The following DSTYK variants were observed in gnomAD, a reference collection of about 807,000 sequenced individuals.
DSTYK encodes dual serine/threonine and tyrosine protein kinase.
DSTYK carries 34 observed loss-of-function variants against 98.7 expected under a neutral mutation model. The observed-to-expected ratio is 0.34, with a 90% confidence interval of 0.26 to 0.46. The LOEUF is 0.46. Among genes scored for constraint, DSTYK ranks in the 20% least tolerant of loss-of-function variants. The pLI, the probability that DSTYK is intolerant of heterozygous loss-of-function variation, is 1.00. For missense variants in DSTYK, 962 were observed against 1,181.7 expected, an observed-to-expected ratio of 0.81 and a Z score of 2.73; for synonymous variants, 462 against 457.3, an observed-to-expected ratio of 1.01 and a Z score of -0.13.
chr1:205,148,147 T>A, intron 12 of DSTYK, 58 bp downstream of exon 12: 1 of 1,605,664 alleles, frequency 6.2e-7, no homozygotes, highest in Non-Finnish European at 8.5e-7. Flanking sequence ...TGACATTGCC[T>A]GGGCTCAGTC....
At chr1:205,206,652 G>A (rs1659212734) in intron 1 of DSTYK, among the ~76,000 whole-genome samples, 3 of 146,352 alleles carry the variant, frequency 2.0e-5, no homozygotes, top group East Asian at 4.0e-4. Context: ...GGGCAATCTC[G>A]ACTCACTGCA....
Position 205,201,067 on chromosome 1 carries a change from G to A in DSTYK, c.265+10204C>T, listed in dbSNP as rs112874821. On this transcript the variant is annotated intron_variant, in intron 1 of 12. Transcript: ENST00000367162. Reference sequence around the variant, plus strand: ...ATTACAGGCACGTGCCACCATACCCGGCTAGTTTTGTATTTTCAGTAGAGA... The same window carrying A: ...ATTACAGGCACGTGCCACCATACCCAGCTAGTTTTGTATTTTCAGTAGAGA... 8.6e-3 allele frequency among the ~76,000 whole-genome samples: 1,312 copies of A among 152,000 alleles called. 22 individuals are homozygous for A. The highest frequency in any genetic ancestry group is 0.03 in the African/African-American group (1,253 of 41,450).
rs202242580 is a variant in DSTYK, at chr1:205,187,618, G to A, written c.454C>T (p.Arg152Cys). The change falls in exon 2 of 13, where the codon CGC becomes TGC. Residue 152 changes from arginine (R) to cysteine (C), a missense_variant. Coordinates refer to ENST00000367162, the MANE Select transcript of DSTYK (RefSeq NM_015375.3). ...LGSEESCKLR[R>C]LRFTYGTQTR... ...TGAGTCCCATAGGTGAAGCGGAGGC[G>A]CCGAAGCTTACAGCTCTCCTCACTG... 9.3e-6 allele frequency: 15 copies of A among 1,614,126 alleles called. No homozygotes were observed. The highest frequency in any genetic ancestry group is 8.0e-5 in the African/African-American group (6 of 75,016).
At position 205,146,468 on chromosome 1, in the gene DSTYK, C is replaced by T. The variant is rs1344999872; in HGVS notation, c.*1090G>A. ...AGAACAGATTCTGTTCTGGGGTTAG[C>T]AGTAACTCTAAATCCAATAACTCCT... is the stretch of plus-strand genomic sequence containing the variant. On this transcript the variant is annotated 3_prime_UTR_variant, in exon 13 of 13. Transcript: ENST00000367162. The T allele has an allele frequency of 3.3e-5, 5 of 151,968 alleles. No individual in the cohort carries two copies. Among genetic ancestry groups the T allele is most frequent in the African/African-American group, 4.8e-5 (2 of 41,328 alleles). 9.4% of individuals were successfully genotyped at this position (151,968 alleles called of 1,614,324 possible). A position where few individuals can be genotyped will look rare whatever the true frequency, so the allele number is the denominator to read the frequency against.
intron 10 of DSTYK, among the ~76,000 whole-genome samples, chr1:205,151,682 T>C (rs919925870): frequency 1.1e-4 from 14 of 124,988 alleles, no homozygotes; most frequent in Non-Finnish European, 1.9e-4. Flanking sequence ...TCCAGGCTGG[T>C]TATAGGCTTT....
Position 205,162,203 on chromosome 1 carries a change from G to T in DSTYK, c.1651C>A (p.Arg551Ser). ...LWEQIKQIIQ[R>S]ITWVSPPAIT... ...GCAGGTGGGCTCACCCATGTGATGC[G>T]CTGGATGATCTACCAGGATGAAGAC... Residue 551 changes from arginine (R) to serine (S), a missense_variant, in exon 6 of 13, where the codon CGC becomes AGC. This residue lies in a region of DSTYK where 660 missense variants were observed against 855.0 expected (regional missense o/e 0.77). Transcript: ENST00000367162. 1 of 1,613,892 alleles carries T rather than the reference G, an allele frequency of 6.2e-7. No homozygotes were observed. Among genetic ancestry groups the T allele is most frequent in the Non-Finnish European group, 8.5e-7 (1 of 1,179,866 alleles).
In DSTYK at chr1:205,181,654, GTTT is replaced by G. The variant is rs386638729; in HGVS notation, c.654+5761_654+5763del. Among the ~76,000 whole-genome samples, 88 of 63,884 alleles carry G rather than the reference GTTT, an allele frequency of 1.4e-3. 1 individual carries two copies. In the Middle Eastern group the frequency reaches 0.034, roughly 25 times the overall value. 41.9% of individuals were successfully genotyped at this position (63,884 alleles called of 152,430 possible). A position where few individuals can be genotyped will look rare whatever the true frequency, so the allele number is the denominator to read the frequency against. On this transcript the variant is annotated intron_variant, in intron 2 of 12. Transcript: ENST00000367162. ...ACAGATGTGAGCCACAGATGTTGGG[GTTT>G]GTGTGTGTGTGTGTGTGTGTGTGTG...
chr1:205,160,462 A>C lies in DSTYK; in HGVS notation c.1949-192T>G, dbSNP rs532505389. ...GCGATTATTCTGCCTCAGGCTCCCA[A>C]GTAGTTGGGATTACAGGCATACGCC... On this transcript the variant is annotated intron_variant, in intron 7 of 12. Coordinates refer to ENST00000367162, the MANE Select transcript of DSTYK (RefSeq NM_015375.3). Among the ~76,000 whole-genome samples, 4 of 152,044 alleles carry C rather than the reference A, an allele frequency of 2.6e-5. No individual in the cohort carries two copies. In the East Asian group the frequency reaches 5.8e-4, roughly 22 times the overall value.
chr1:205,182,498 T>TAAAAAA (rs386369411), intron 2 of DSTYK, among the ~76,000 whole-genome samples: 5 of 77,728 alleles, frequency 6.4e-5, no homozygotes, highest in Non-Finnish European at 9.0e-5. Context: ...TTAAAAACGG[T>TAAAAAA]AAAAAAAAAA....
rs112144256 is a variant in DSTYK, at chr1:205,178,499, A to T, written c.655-8667T>A. On this transcript the variant is annotated intron_variant, in intron 2 of 12. Transcript: ENST00000367162. Reference sequence around the variant, plus strand: ...GGAAATAGAAAGGAGGGAAAACTTTACCTTTCAACTTTTATATACTTCTGT... The same window carrying T: ...GGAAATAGAAAGGAGGGAAAACTTTTCCTTTCAACTTTTATATACTTCTGT... Among the ~76,000 whole-genome samples, 1,303 of 152,214 alleles carry T rather than the reference A, an allele frequency of 8.6e-3. 22 individuals carry two copies. The highest frequency in any genetic ancestry group is 0.03 in the African/African-American group (1,247 of 41,526).
At chr1:205,148,846 A>G (rs1657320714) in intron 11 of DSTYK, among the ~76,000 whole-genome samples, 1 of 152,140 alleles carries the variant, frequency 6.6e-6, no homozygotes, top group Non-Finnish European at 1.5e-5. Context: ...AGAAACAATA[A>G]AAGAAATTTA....
At chr1:205,191,486 G>T (rs1188951280) in intron 1 of DSTYK, among the ~76,000 whole-genome samples, 1 of 152,188 alleles carries the variant, frequency 6.6e-6, no homozygotes, top group African/African-American at 2.4e-5. Flanking sequence ...TGAAATGCTC[G>T]TCGGTAAATG....
chr1:205,162,828 A>G (rs1277268354), intron 5 of DSTYK, 95 bp downstream of exon 5: 3 of 972,700 alleles, frequency 3.1e-6, no homozygotes, highest in African/African-American at 3.2e-5. Context: ...CTGCCTTAAC[A>G]GAAGATCCTA....
At position 205,150,594 on chromosome 1, in the gene DSTYK, T is replaced by C. The variant is rs1300262131; in HGVS notation, c.2467+86A>G. ...TTGCCTGTGCCAGACCTGCCAGTAG[T>C]GATTGTGGAAACGAGCTCAAGGGGT... is the stretch of plus-strand genomic sequence containing the variant. On this transcript the variant is annotated intron_variant, in intron 11 of 12. Transcript: ENST00000367162. The surrounding 1 kb of genome is among the most constrained non-coding windows in gnomAD (Gnocchi z 4.1). 10 of 1,084,914 alleles carry C rather than the reference T, an allele frequency of 9.2e-6. No homozygotes were observed. Among genetic ancestry groups the C allele is most frequent in the East Asian group, 2.4e-5 (1 of 41,878 alleles). 67.2% of individuals were successfully genotyped at this position (1,084,914 alleles called of 1,614,324 possible).
At chr1:205,159,745 T>C in intron 8 of DSTYK, 66 bp from the exon 9 acceptor site, 3 of 1,594,412 alleles carry the variant, frequency 1.9e-6, no homozygotes, top group South Asian at 2.3e-5. Context: ...CATGCCACAA[T>C]GTATGAGACA....
At chr1:205,179,371 A>G (rs1459410142) in intron 2 of DSTYK, among the ~76,000 whole-genome samples, 1 of 152,144 alleles carries the variant, frequency 6.6e-6, no homozygotes, top group Non-Finnish European at 1.5e-5. Context: ...CTGTACTCCC[A>G]GCACTTTGGG....
In DSTYK at chr1:205,143,679, G is replaced by C. The variant is rs1414921779; in HGVS notation, c.*3879C>G. The C allele has an allele frequency of 2.0e-5, 3 of 152,606 alleles. No homozygotes were observed. The highest frequency in any genetic ancestry group is 7.2e-5 in the African/African-American group (3 of 41,434). 9.5% of individuals were successfully genotyped at this position (152,606 alleles called of 1,614,324 possible). ...GCCAAAAAATAAAGTGTCATTCAGT[G>C]CAGTTGTCACTTTGCAGCCCTGCAA... On this transcript the variant is annotated 3_prime_UTR_variant, in exon 13 of 13. Coordinates refer to ENST00000367162, the MANE Select transcript of DSTYK (RefSeq NM_015375.3).
At chr1:205,203,150 A>G (rs1659091163) in intron 1 of DSTYK, among the ~76,000 whole-genome samples, 2 of 152,144 alleles carry the variant, frequency 1.3e-5, no homozygotes, top group African/African-American at 4.8e-5. Context: ...AACATATTGC[A>G]AATTATAATA....
intron 1 of DSTYK, among the ~76,000 whole-genome samples, chr1:205,200,188 C>T (rs1309421645): frequency 2.6e-5 from 4 of 152,082 alleles, no homozygotes; most frequent in African/African-American, 9.7e-5. Context: ...AGGCGCCTAC[C>T]ACCGCGACCA....
Sources: allele counts gnomAD v4.1 joint callset (sites outside exome capture counted in the v4.1 genomes callset), GRCh38; gene constraint gnomAD v4.1.1; regional missense constraint gnomAD v4.1.1; non-coding constraint Gnocchi (gnomAD v3.1); transcripts MANE v1.5; gene names NCBI Gene and HGNC (gene_info 2026-07-23, HGNC 2026-07-21).